The following ERBB4 variants were observed in gnomAD, a reference collection of about 807,000 sequenced individuals.
The protein encoded by ERBB4 is receptor tyrosine-protein kinase erbB-4.
ERBB4 carries 42 observed loss-of-function variants against 158.0 expected under a neutral mutation model. The ratio of observed to expected loss-of-function variants is 0.27; its 90% CI spans 0.21 to 0.34. The LOEUF (loss-of-function observed/expected upper bound fraction) is 0.34. Among genes scored for constraint, ERBB4 ranks in the 10% least tolerant of loss-of-function variants. The pLI, the probability that ERBB4 is intolerant of heterozygous loss-of-function variation, is 1.00. For synonymous variants in ERBB4, 583 were observed against 558.7 expected (o/e 1.04, Z -0.61); for missense variants, 1,333 against 1,624.1 (o/e 0.82, Z 3.08).
At chr2:212,002,381 G>A (rs1451919976) in intron 2 of ERBB4, among the ~76,000 whole-genome samples, 1 of 152,048 alleles carries the variant, frequency 6.6e-6, no homozygotes, top group Non-Finnish European at 1.5e-5. Context: ...ATTTCTTCAG[G>A]GAGATTAATT....
Position 211,769,427 on chromosome 2 carries a change from C to A in ERBB4, c.556+18598G>T, listed in dbSNP as rs533808562. Among the ~76,000 whole-genome samples the A allele has an allele frequency of 1.9e-4, 29 of 152,300 alleles. No homozygotes were observed. In the South Asian group the frequency reaches 5.8e-3, roughly 30 times the overall value. On this transcript the variant is annotated intron_variant, in intron 4 of 27. Transcript: ENST00000342788. The stretch of plus-strand genomic sequence containing the variant: ...TTCCACATTTCCAGGTATTTTTTAG[C>A]AACACCTCACTCCTGCTATCAAAAT...
At chr2:211,710,622 A>G (rs2073661739) in intron 9 of ERBB4, among the ~76,000 whole-genome samples, 1 of 152,142 alleles carries the variant, frequency 6.6e-6, no homozygotes, top group Non-Finnish European at 1.5e-5. Context: ...ATCATATTGA[A>G]TTGTAGCTCC....
intron 1 of ERBB4, among the ~76,000 whole-genome samples, chr2:212,358,665 A>G (rs2089560352): frequency 6.6e-6 from 1 of 151,792 alleles, no homozygotes; most frequent in Non-Finnish European, 1.5e-5. Context: ...GATTTAAGTA[A>G]CATGAAAAAT....
chr2:211,472,900 T>C (rs560182168), intron 20 of ERBB4, among the ~76,000 whole-genome samples: 1 of 150,738 alleles, frequency 6.6e-6, no homozygotes, highest in East Asian at 1.9e-4. Flanking sequence ...ATAATATAAA[T>C]ATTATTTATT....
At chr2:212,032,552 A>G (rs1257043939) in intron 2 of ERBB4, among the ~76,000 whole-genome samples, 1 of 152,088 alleles carries the variant, frequency 6.6e-6, no homozygotes, top group East Asian at 1.9e-4. Context: ...ATAAGTACAT[A>G]TTTAAGCATC....
intron 2 of ERBB4, among the ~76,000 whole-genome samples, chr2:212,092,546 T>C (rs1264139931): frequency 6.6e-6 from 1 of 152,150 alleles, no homozygotes; most frequent in African/African-American, 2.4e-5. Flanking sequence ...CTAAGGAAAA[T>C]GATATCGTTT....
At position 212,283,427 on chromosome 2, in the gene ERBB4, T is replaced by C. The variant is rs144552870; in HGVS notation, c.83-158524A>G. Among the ~76,000 whole-genome samples the C allele has an allele frequency of 7.9e-5, 12 of 152,114 alleles. No homozygotes were observed. The East Asian group carries it at 1.4e-3, about 17-fold the overall frequency. On this transcript the variant is annotated intron_variant, in intron 1 of 27. Transcript: ENST00000342788. ...AGCCCTGTGAGGTAGATAGTAATTA[T>C]TGACAAACTGAAAGGTTTGTTATAA...
chr2:212,399,076 T>C (rs996256174), intron 1 of ERBB4, among the ~76,000 whole-genome samples: 5 of 152,036 alleles, frequency 3.3e-5, no homozygotes, highest in Non-Finnish European at 5.9e-5. Flanking sequence ...CCCAATTAGC[T>C]GGACTAAAGA....
intron 2 of ERBB4, among the ~76,000 whole-genome samples, chr2:212,100,673 T>C (rs1041534138): frequency 1.3e-5 from 2 of 152,126 alleles, no homozygotes; most frequent in African/African-American, 2.4e-5. Context: ...AAATTTGTGA[T>C]TGCAATATGG....
intron 1 of ERBB4, among the ~76,000 whole-genome samples, chr2:212,534,175 AAAAAT>A (rs1692907248): frequency 6.6e-6 from 1 of 152,194 alleles, no homozygotes; most frequent in Non-Finnish European, 1.5e-5. Flanking sequence ...GATATAACAC[AAAAAT>A]AATACCGCTT....
At chr2:212,028,703 C>T (rs1170849666) in intron 2 of ERBB4, among the ~76,000 whole-genome samples, 2 of 152,086 alleles carry the variant, frequency 1.3e-5, no homozygotes, top group African/African-American at 2.4e-5. Context: ...CCTTTCTGCC[C>T]TTTTCCACCC....
At chr2:212,003,160 A>G (rs191408532) in intron 2 of ERBB4, among the ~76,000 whole-genome samples, 3,862 of 24,764 alleles carry the variant, frequency 0.16, 372 homozygotes, top group Non-Finnish European at 0.31. Context: ...AAAGAAAGAA[A>G]GAAAGAAAGA....
chr2:212,138,347 G>A (rs554212660), intron 1 of ERBB4, among the ~76,000 whole-genome samples: 1 of 152,130 alleles, frequency 6.6e-6, no homozygotes. Flanking sequence ...CATCTACAAT[G>A]GAAGAAATAT....
At chr2:212,338,035 C>A (rs1247015390) in intron 1 of ERBB4, among the ~76,000 whole-genome samples, 2 of 152,086 alleles carry the variant, frequency 1.3e-5, no homozygotes, top group Non-Finnish European at 2.9e-5. Flanking sequence ...CTGTCCAGGG[C>A]AGACTTTATG....
chr2:212,049,003 C>T (rs2077330871), intron 2 of ERBB4, among the ~76,000 whole-genome samples: 1 of 152,164 alleles, frequency 6.6e-6, no homozygotes, highest in Non-Finnish European at 1.5e-5. Context: ...TTGATTTCAG[C>T]CTGGTAAGGC....
rs879866490 is a variant in ERBB4, at chr2:212,438,204, G to GA, written c.82+100244dup. The stretch of plus-strand genomic sequence containing the variant: ...GTGATATAACATTCTATAATGGAAA[G>GA]AAAAAAAAAATGTGTTTTGGAGCCA... On this transcript the variant is annotated intron_variant, in intron 1 of 27. Transcript: ENST00000342788. Among the ~76,000 whole-genome samples, 411 of 147,980 alleles carry GA rather than the reference G, an allele frequency of 2.8e-3. 1 individual carries two copies. The highest frequency in any genetic ancestry group is 4.1e-3 in the Non-Finnish European group (273 of 66,584).
At chr2:212,254,270 C>T (rs1352527837) in intron 1 of ERBB4, among the ~76,000 whole-genome samples, 1 of 152,072 alleles carries the variant, frequency 6.6e-6, no homozygotes, top group Non-Finnish European at 1.5e-5. Context: ...TATTTACCAA[C>T]CCAGTGCCTA....
intron 1 of ERBB4, among the ~76,000 whole-genome samples, chr2:212,327,704 C>T (rs987970888): frequency 3.2e-4 from 46 of 145,090 alleles, no homozygotes; most frequent in African/African-American, 1.0e-3. Flanking sequence ...ACCCCTTTAA[C>T]GATTCTTTTT....
intron 19 of ERBB4, among the ~76,000 whole-genome samples, chr2:211,572,461 GGAT>G (rs2067757454): frequency 6.6e-6 from 1 of 152,116 alleles, no homozygotes; most frequent in Non-Finnish European, 1.5e-5. Context: ...TGACCCAAAT[GGAT>G]GATGACAACG....
Sources: gnomAD v4.1 joint callset for allele counts (sites outside exome capture counted in the v4.1 genomes callset) on GRCh38, gnomAD v4.1.1 for gene constraint, MANE v1.5 for transcripts, NCBI Gene and HGNC (gene_info 2026-07-23, HGNC 2026-07-21) for gene names.